Variants in CFAP20DC observed in about 807,000 individuals in gnomAD.
CFAP20DC encodes the protein CFAP20 domain containing.
Under a neutral mutation model 101.7 loss-of-function variants are expected in CFAP20DC, and 84 were observed. That is an observed-to-expected ratio of 0.83 (90% CI 0.69 to 0.99). CFAP20DC has a LOEUF of 0.99. Ranked by LOEUF, CFAP20DC falls within the 50% of genes least tolerant of loss-of-function variation. CFAP20DC has a pLI of 0.00. For missense variants in CFAP20DC, 1,007 were observed against 970.3 expected (o/e 1.04, Z -0.50); for synonymous variants, 359 against 351.2 (o/e 1.02, Z -0.25).
intron 15 of CFAP20DC, among the ~76,000 whole-genome samples, chr3:58,791,331 G>T (rs2072835271): frequency 6.6e-6 from 1 of 151,950 alleles, no homozygotes; most frequent in African/African-American, 2.4e-5. Flanking sequence ...TTTAATCTTT[G>T]CAATAACACT....
intron 4 of CFAP20DC, among the ~76,000 whole-genome samples, chr3:58,981,926 C>G (rs1173716614): frequency 1.3e-5 from 2 of 152,080 alleles, no homozygotes; most frequent in Non-Finnish European, 2.9e-5. Flanking sequence ...AGGCAACCTA[C>G]AAAATGGGAG....
At chr3:58,944,895 G>GA (rs2089140080) in intron 4 of CFAP20DC, among the ~76,000 whole-genome samples, 1 of 151,796 alleles carries the variant, frequency 6.6e-6, no homozygotes, top group African/African-American at 2.4e-5. Flanking sequence ...TTCGTGTAAA[G>GA]AAAAAAAATC....
intron 12 of CFAP20DC, among the ~76,000 whole-genome samples, chr3:58,858,932 G>GA (rs1379394011): frequency 6.6e-6 from 1 of 152,018 alleles, no homozygotes; most frequent in Admixed American, 6.5e-5. Flanking sequence ...CTAACAGAAT[G>GA]AAAAAAATAA....
chr3:58,872,914 T>C (rs1049383930), intron 7 of CFAP20DC, among the ~76,000 whole-genome samples: 1 of 149,194 alleles, frequency 6.7e-6, no homozygotes, highest in African/African-American at 2.5e-5. Flanking sequence ...GAATTCCGGA[T>C]TCCTATTCTG....
intron 16 of CFAP20DC, among the ~76,000 whole-genome samples, chr3:58,753,300 C>A (rs916827174): frequency 1.3e-5 from 2 of 152,152 alleles, no homozygotes; most frequent in Non-Finnish European, 2.9e-5. Context: ...AATATCGTGT[C>A]TGCTGTATAA....
At chr3:58,956,559 C>T (rs757004017) in intron 4 of CFAP20DC, among the ~76,000 whole-genome samples, 2 of 152,086 alleles carry the variant, frequency 1.3e-5, no homozygotes, top group Admixed American at 6.5e-5. Context: ...GACTTTAGTC[C>T]CTGGCTCCCG....
At chr3:58,963,871 C>T (rs1466537485) in intron 4 of CFAP20DC, among the ~76,000 whole-genome samples, 1 of 152,192 alleles carries the variant, frequency 6.6e-6, no homozygotes, top group Non-Finnish European at 1.5e-5. Flanking sequence ...ACACACCTCA[C>T]TATAACCCCT....
intron 6 of CFAP20DC, among the ~76,000 whole-genome samples, chr3:58,900,046 T>C (rs967008551): frequency 1.3e-5 from 2 of 152,194 alleles, no homozygotes; most frequent in African/African-American, 4.8e-5. Context: ...GGGAAAGTCC[T>C]GTGTGATAAA....
chr3:58,805,812 T>C (rs1310153085), intron 15 of CFAP20DC, among the ~76,000 whole-genome samples: 2 of 152,188 alleles, frequency 1.3e-5, no homozygotes, highest in East Asian at 3.8e-4. Flanking sequence ...GAACCAAAAA[T>C]AATGAGGTTT....
At chr3:58,993,091 T>G (rs868024328) in intron 4 of CFAP20DC, among the ~76,000 whole-genome samples, 1 of 152,146 alleles carries the variant, frequency 6.6e-6, no homozygotes, top group Non-Finnish European at 1.5e-5. Context: ...TTCAAACTGT[T>G]TCTAAAATAG....
intron 15 of CFAP20DC, among the ~76,000 whole-genome samples, chr3:58,767,921 T>C (rs1483895126): frequency 6.6e-6 from 1 of 152,232 alleles, no homozygotes; most frequent in African/African-American, 2.4e-5. Context: ...TCAAGTAGTT[T>C]TGGCTGTTCA....
At chr3:58,956,568 C>A (rs573542898) in intron 4 of CFAP20DC, among the ~76,000 whole-genome samples, 1 of 152,264 alleles carries the variant, frequency 6.6e-6, no homozygotes, top group African/African-American at 2.4e-5. Flanking sequence ...CCCTGGCTCC[C>A]GGATGGCACC....
intron 5 of CFAP20DC, among the ~76,000 whole-genome samples, chr3:58,925,245 C>T (rs1463136238): frequency 6.6e-6 from 1 of 152,028 alleles, no homozygotes; most frequent in East Asian, 1.9e-4. Flanking sequence ...ATGTTGTTAT[C>T]ATTCCTAAAA....
rs1576657490 is a variant in CFAP20DC, at chr3:59,000,802, G to T, written c.278+38755C>A. Among the ~76,000 whole-genome samples the T allele has an allele frequency of 2.6e-5, 4 of 152,108 alleles. No homozygotes were observed. The East Asian group carries it at 7.7e-4, about 29-fold the overall frequency. On this transcript the variant is annotated intron_variant, in intron 4 of 16. Transcript: ENST00000482387. ...CTCCACAAACAGGAAGGCCCATTTG[G>T]AGAGTTTCTGGAACAGAAACCTCAA... is the stretch of plus-strand genomic sequence containing the variant.
intron 14 of CFAP20DC, among the ~76,000 whole-genome samples, chr3:58,823,475 T>G (rs575514731): frequency 6.6e-6 from 1 of 152,226 alleles, no homozygotes; most frequent in Non-Finnish European, 1.5e-5. Flanking sequence ...ATTTATTGAG[T>G]ACTTATGCTA....
chr3:58,968,257 TCTG>T (rs1056377180), intron 4 of CFAP20DC, among the ~76,000 whole-genome samples: 1 of 152,204 alleles, frequency 6.6e-6, no homozygotes, highest in Non-Finnish European at 1.5e-5. Context: ...AAATGGTAGT[TCTG>T]CTTTTAGCTC....
At chr3:59,012,806 GAA>G (rs2093613756) in intron 4 of CFAP20DC, among the ~76,000 whole-genome samples, 1 of 152,002 alleles carries the variant, frequency 6.6e-6, no homozygotes, top group Non-Finnish European at 1.5e-5. Context: ...ATGAGATTAA[GAA>G]AATTATTTTT....
At chr3:58,843,802 A>C (rs2077365750) in intron 13 of CFAP20DC, among the ~76,000 whole-genome samples, 1 of 148,920 alleles carries the variant, frequency 6.7e-6, no homozygotes, top group African/African-American at 2.5e-5. Flanking sequence ...CCATCAGACT[A>C]ACAGCGGATC....
At chr3:58,879,085 T>C (rs2081021335) in intron 7 of CFAP20DC, among the ~76,000 whole-genome samples, 1 of 152,186 alleles carries the variant, frequency 6.6e-6, no homozygotes, top group African/African-American at 2.4e-5. Flanking sequence ...TGCTCACTAT[T>C]TGATCTCTGC....
Sources: gnomAD v4.1 joint callset for allele counts (sites outside exome capture counted in the v4.1 genomes callset) on GRCh38, gnomAD v4.1.1 for gene constraint, MANE v1.5 for transcripts, NCBI Gene and HGNC (gene_info 2026-07-23, HGNC 2026-07-21) for gene names.